The following PTPRK variants were observed in gnomAD, a reference collection of about 807,000 sequenced individuals.
PTPRK encodes protein tyrosine phosphatase receptor type K.
In PTPRK, 75 loss-of-function variants were observed where a neutral mutation model predicts 178.0. The observed-to-expected ratio is 0.42, with a 90% CI of 0.35 to 0.51. The LOEUF is 0.51. PTPRK is among the 20% of genes least tolerant of loss of function. The pLI is 0.02. For missense variants in PTPRK, 1,441 were observed against 1,797.8 expected (o/e 0.80, Z 3.59); for synonymous variants, 637 against 620.6 (o/e 1.03, Z -0.39).
intron 6 of PTPRK, among the ~76,000 whole-genome samples, chr6:128,190,776 G>C (rs1803658221): frequency 6.6e-6 from 1 of 152,164 alleles, no homozygotes; most frequent in Non-Finnish European, 1.5e-5. Context: ...TGGGATTACA[G>C]TTGTGAGCCA....
At chr6:128,457,685 T>C (rs1190873711) in intron 1 of PTPRK, among the ~76,000 whole-genome samples, 1 of 152,182 alleles carries the variant, frequency 6.6e-6, no homozygotes, top group Non-Finnish European at 1.5e-5. Flanking sequence ...GCTGAATTAA[T>C]AGTCATTTAT....
chr6:128,276,004 T>C (rs1820664529), intron 3 of PTPRK, among the ~76,000 whole-genome samples: 2 of 152,052 alleles, frequency 1.3e-5, no homozygotes, highest in African/African-American at 4.8e-5. Flanking sequence ...TTCCTATCAG[T>C]ATGATGATAT....
intron 7 of PTPRK, among the ~76,000 whole-genome samples, chr6:128,135,078 T>TCTCACACACA (rs764373135): frequency 2.3e-4 from 31 of 136,382 alleles, no homozygotes; most frequent in African/African-American, 8.5e-4. Context: ...AATCATTCAA[T>TCTCACACACA]CACACACACA....
At chr6:128,231,625 T>A (rs1443935677) in intron 5 of PTPRK, among the ~76,000 whole-genome samples, 1 of 152,188 alleles carries the variant, frequency 6.6e-6, no homozygotes, top group African/African-American at 2.4e-5. Context: ...AGCTTCAAAT[T>A]GTCTTGGTAA....
intron 15 of PTPRK, among the ~76,000 whole-genome samples, chr6:128,004,153 A>C (rs2114702053): frequency 6.6e-6 from 1 of 151,846 alleles, no homozygotes; most frequent in Admixed American, 6.6e-5. Flanking sequence ...TGTTTTCCAA[A>C]CCGGGGTGAG....
At chr6:128,132,619 CACT>C (rs1794427907) in intron 7 of PTPRK, among the ~76,000 whole-genome samples, 1 of 152,174 alleles carries the variant, frequency 6.6e-6, no homozygotes, top group African/African-American at 2.4e-5. Context: ...CTGATGACAC[CACT>C]ACTATGTGAA....
Position 128,510,062 on chromosome 6 carries a change from C to T in PTPRK, c.100+10197G>A, listed in dbSNP as rs559356540. 1.1e-4 allele frequency among the ~76,000 whole-genome samples: 17 copies of T among 152,260 alleles called. No individual in the cohort carries two copies. In the South Asian group the frequency reaches 3.1e-3, roughly 28 times the overall value. On this transcript the variant is annotated intron_variant, in intron 1 of 29. Transcript: ENST00000368226. ...CAGAAAAAGAGTCATAAGTTATTAT[C>T]ATAAGTTATTTATGATAATAGACAA...
intron 22 of PTPRK, 68 bp downstream of exon 22, chr6:127,985,653 A>G: frequency 2.1e-6 from 3 of 1,452,160 alleles, no homozygotes; most frequent in Non-Finnish European, 2.8e-6. Flanking sequence ...TTGTGCTCAA[A>G]AGCCTTGTCT....
intron 3 of PTPRK, among the ~76,000 whole-genome samples, chr6:128,316,716 T>C (rs962484350): frequency 3.3e-5 from 5 of 151,028 alleles, no homozygotes; most frequent in South Asian, 2.1e-4. Flanking sequence ...TTTCTTTTTT[T>C]TTTTTTTTTT....
intron 3 of PTPRK, among the ~76,000 whole-genome samples, chr6:128,269,840 C>G (rs775324263): frequency 6.6e-6 from 1 of 152,080 alleles, no homozygotes; most frequent in African/African-American, 2.4e-5. Context: ...CTAATTCCAA[C>G]AACAACATTT....
chr6:128,303,535 T>C (rs6928070), intron 3 of PTPRK, among the ~76,000 whole-genome samples: 8,070 of 152,272 alleles, frequency 0.053, 718 homozygotes, highest in African/African-American at 0.18. Context: ...TAGGTTATAT[T>C]TGTAATAAAA....
intron 1 of PTPRK, among the ~76,000 whole-genome samples, chr6:128,454,604 A>T (rs1848175480): frequency 6.6e-6 from 1 of 152,172 alleles, no homozygotes; most frequent in African/African-American, 2.4e-5. Context: ...AAACATTTTC[A>T]TCACCCCAAA....
chr6:128,276,947 T>A, intron 3 of PTPRK, among the ~76,000 whole-genome samples: 1 of 152,148 alleles, frequency 6.6e-6, no homozygotes, highest in East Asian at 1.9e-4. Context: ...GAGGATTTGA[T>A]CTTTAAAAAG....
intron 3 of PTPRK, among the ~76,000 whole-genome samples, chr6:128,309,547 C>A (rs768366295): frequency 1.3e-5 from 2 of 152,128 alleles, no homozygotes; most frequent in Admixed American, 1.3e-4. Context: ...CATAAAGCAG[C>A]TTGCTGACCT....
chr6:127,984,943 T>C (rs928959073), intron 22 of PTPRK, among the ~76,000 whole-genome samples: 1 of 152,194 alleles, frequency 6.6e-6, no homozygotes, highest in African/African-American at 2.4e-5. Flanking sequence ...CTTTTATACA[T>C]GGTTATTTAA....
At chr6:128,396,675 C>A (rs1192601158) in intron 2 of PTPRK, among the ~76,000 whole-genome samples, 1 of 152,014 alleles carries the variant, frequency 6.6e-6, no homozygotes, top group Non-Finnish European at 1.5e-5. Context: ...TCCCAAAACC[C>A]AAAATCAAAG....
intron 1 of PTPRK, among the ~76,000 whole-genome samples, chr6:128,517,886 A>G (rs955050601): frequency 4.6e-5 from 7 of 152,342 alleles, no homozygotes; most frequent in African/African-American, 1.7e-4. Flanking sequence ...AAGGAATAAA[A>G]GTTCACTAGT....
At chr6:128,128,675 G>A (rs967434258) in intron 7 of PTPRK, among the ~76,000 whole-genome samples, 2 of 152,166 alleles carry the variant, frequency 1.3e-5, no homozygotes, top group Non-Finnish European at 2.9e-5. Flanking sequence ...ACAATAACAT[G>A]CCAGAAGAAA....
intron 1 of PTPRK, among the ~76,000 whole-genome samples, chr6:128,508,284 A>G (rs571729061): frequency 7.9e-5 from 12 of 152,212 alleles, no homozygotes; most frequent in African/African-American, 2.9e-4. Flanking sequence ...GCATACCCAA[A>G]ACCTGGCACA....
Sources: gnomAD v4.1 joint callset for allele counts (sites outside exome capture counted in the v4.1 genomes callset) on GRCh38, gnomAD v4.1.1 for gene constraint, MANE v1.5 for transcripts, NCBI Gene and HGNC (gene_info 2026-07-23, HGNC 2026-07-21) for gene names.